Variants in PCDHA7 observed in about 807,000 individuals in gnomAD.
PCDHA7 encodes protocadherin alpha-7.
PCDHA7 carries 37 observed loss-of-function variants against 57.2 expected under a neutral mutation model. That is an observed-to-expected ratio of 0.65 (90% CI 0.50 to 0.85). PCDHA7 has a LOEUF of 0.85. Among genes scored for constraint, PCDHA7 ranks in the 40% least tolerant of loss-of-function variants. The pLI, the probability that PCDHA7 is intolerant of heterozygous loss-of-function variation, is 0.00. For synonymous variants in PCDHA7, 553 were observed against 558.8 expected, an observed-to-expected ratio of 0.99 and a Z score of 0.15; for missense variants, 1,188 against 1,241.8, an observed-to-expected ratio of 0.96 and a Z score of 0.65.
chr5:140,912,918 G>A (rs1302662045), intron 1 of PCDHA7, among the ~76,000 whole-genome samples: 16 of 152,284 alleles, frequency 1.1e-4, no homozygotes, highest in Middle Eastern at 3.4e-3. Flanking sequence ...ATTGATTTGT[G>A]TATGTTGAAT....
intron 1 of PCDHA7, chr5:140,967,077 G>A (rs1483899506): frequency 1.9e-6 from 3 of 1,613,140 alleles, no homozygotes; most frequent in South Asian, 1.1e-5. Context: ...GTCAACGAGC[G>A]CATTGATCGG....
chr5:140,898,593 C>A (rs1236439193), intron 1 of PCDHA7, among the ~76,000 whole-genome samples: 13 of 152,146 alleles, frequency 8.5e-5, no homozygotes, highest in Admixed American at 1.3e-4. Flanking sequence ...GTTACTGTAG[C>A]CTTGTAGTAT....
intron 1 of PCDHA7, chr5:140,853,946 G>A (rs2042919136): frequency 1.2e-6 from 1 of 805,184 alleles, no homozygotes; most frequent in Non-Finnish European, 1.5e-6. Flanking sequence ...AGGTGGGAGG[G>A]TCCCTTCCTT....
intron 1 of PCDHA7, chr5:140,853,313 T>G: frequency 1.0e-6 from 1 of 984,212 alleles, no homozygotes; most frequent in South Asian, 4.7e-5. Flanking sequence ...AACACCTTAG[T>G]AATAAATTTA....
At position 141,009,622 on chromosome 5, in the gene PCDHA7, T is replaced by C. The variant is rs782517998; in HGVS notation, c.2504-5T>C. On this transcript the variant is annotated splice_region_variant and splice_polypyrimidine_tract_variant and intron_variant, in intron 3 of 3. Coordinates refer to ENST00000525929, the MANE Select transcript of PCDHA7 (RefSeq NM_018910.3). ...GTTAATGATTTGTAATGTTTTGTCT[T>C]TCAGAACCAGAGGCAGGAGAAGTGT... is the stretch of plus-strand genomic sequence containing the variant. 6.2e-7 allele frequency: 1 copy of C among 1,612,598 alleles called. No homozygotes were observed.
intron 1 of PCDHA7, among the ~76,000 whole-genome samples, chr5:140,971,036 G>A (rs919714179): frequency 2.0e-5 from 3 of 152,204 alleles, no homozygotes; most frequent in Non-Finnish European, 2.9e-5. Context: ...TTGAAAGCAC[G>A]TAAAAGGGTT....
intron 1 of PCDHA7, chr5:140,871,145 C>T (rs1249708738): frequency 1.2e-6 from 2 of 1,613,300 alleles, no homozygotes; most frequent in East Asian, 2.2e-5. Context: ...TCTTCCCGGA[C>T]TTTGGCGGGC....
chr5:141,009,330 G>A (rs1355837607), intron 3 of PCDHA7, among the ~76,000 whole-genome samples: 2 of 152,192 alleles, frequency 1.3e-5, no homozygotes, highest in African/African-American at 2.4e-5. Context: ...ATGGGAGCTT[G>A]TGCCTGTAGT....
chr5:140,916,090 G>A (rs1464191226), intron 1 of PCDHA7, among the ~76,000 whole-genome samples: 1 of 152,160 alleles, frequency 6.6e-6, no homozygotes, highest in African/African-American at 2.4e-5. Context: ...TGGTCCACAG[G>A]GAATCTGCCT....
chr5:140,853,173 C>T, intron 1 of PCDHA7: 1 of 969,590 alleles, frequency 1.0e-6, no homozygotes, highest in South Asian at 4.8e-5. Context: ...GCCACCGCGC[C>T]TGGCCTAAAA....
Position 140,979,061 on chromosome 5 carries a change from A to G in PCDHA7, c.2414+54A>G, listed in dbSNP as rs374803810. 155 of 1,605,246 alleles carry G rather than the reference A, an allele frequency of 9.7e-5. No individual in the cohort carries two copies. The African/African-American group carries it at 1.8e-3, about 19-fold the overall frequency. On this transcript the variant is annotated intron_variant, in intron 2 of 3. Coordinates refer to ENST00000525929, the MANE Select transcript of PCDHA7 (RefSeq NM_018910.3). ...AAGTAACCTTAACTTGGTATGGCTC[A>G]GATAAACTGCATCTCCATAGGCCAG...
At chr5:140,842,434 A>C (rs2150336134) in intron 1 of PCDHA7, 2 of 1,613,586 alleles carry the variant, frequency 1.2e-6, no homozygotes, top group Non-Finnish European at 8.5e-7. Flanking sequence ...TCATCGCCCT[A>C]ATTAGCGTGA....
chr5:140,981,881 C>G (rs138571007), intron 2 of PCDHA7, among the ~76,000 whole-genome samples: 1 of 152,158 alleles, frequency 6.6e-6, no homozygotes, highest in Non-Finnish European at 1.5e-5. Context: ...CTGAATTAAT[C>G]TCTTCTGAGC....
At chr5:140,918,036 C>G (rs1423930397) in intron 1 of PCDHA7, among the ~76,000 whole-genome samples, 1 of 152,036 alleles carries the variant, frequency 6.6e-6, no homozygotes, top group Non-Finnish European at 1.5e-5. Flanking sequence ...CGTGGAAGGT[C>G]TTTCCATTTG....
At chr5:140,839,346 C>T (rs1354845524) in intron 1 of PCDHA7, among the ~76,000 whole-genome samples, 1 of 149,510 alleles carries the variant, frequency 6.7e-6, no homozygotes, top group African/African-American at 2.5e-5. Flanking sequence ...ATAGGGGATC[C>T]TCCTTAGCCA....
rs782641512 is a variant in PCDHA7 at position 140,857,970 on chromosome 5, C to T, written c.2355+21232C>T. The T allele has an allele frequency of 1.9e-5, 30 of 1,596,836 alleles. 3 individuals are homozygous for T. The highest frequency in any genetic ancestry group is 1.1e-4 in the African/African-American group (8 of 74,204). ...ACGCGCGCTCTGGATGAGACTGACT[C>T]GCCACGCCAGCGCCTACTGGTGCTG... On this transcript the variant is annotated intron_variant, in intron 1 of 3. Coordinates refer to ENST00000525929, the MANE Select transcript of PCDHA7 (RefSeq NM_018910.3).
intron 1 of PCDHA7, chr5:140,876,551 A>C: frequency 6.2e-7 from 1 of 1,614,184 alleles, no homozygotes; most frequent in Non-Finnish European, 8.5e-7. Flanking sequence ...CTCCCTGTGC[A>C]AGAGGATGCT....
chr5:140,969,249 A>G (rs1586364972), intron 1 of PCDHA7: 1 of 1,614,240 alleles, frequency 6.2e-7, no homozygotes, highest in Admixed American at 1.7e-5. Flanking sequence ...GCAGTGACTG[A>G]CAGCAGGAAT....
chr5:140,877,118 T>C, intron 1 of PCDHA7: 1 of 1,613,690 alleles, frequency 6.2e-7, no homozygotes, highest in South Asian at 1.1e-5. Flanking sequence ...GGCAGCAACG[T>C]GACGCTGCAG....
Sources: gnomAD v4.1 joint callset for allele counts (sites outside exome capture counted in the v4.1 genomes callset) on GRCh38, gnomAD v4.1.1 for gene constraint, MANE v1.5 for transcripts, NCBI Gene and HGNC (gene_info 2026-07-23, HGNC 2026-07-21) for gene names.